SORCS1: variants seen among roughly 807,000 people sequenced by gnomAD.
SORCS1 encodes the protein VPS10 domain-containing receptor SorCS1.
Under a neutral mutation model 146.1 loss-of-function variants are expected in SORCS1, and 60 were observed. The observed-to-expected ratio is 0.41, with a 90% CI of 0.33 to 0.51. The LOEUF is 0.51. SORCS1 is among the 20% of genes least tolerant of loss of function. The pLI, the probability that SORCS1 is intolerant of heterozygous loss-of-function variation, is 0.21. For missense variants in SORCS1, 1,352 were observed against 1,487.6 expected (o/e 0.91, Z 1.50); for synonymous variants, 637 against 584.0 (o/e 1.09, Z -1.31).
At chr10:106,627,646 G>T (rs1848189412) in intron 19 of SORCS1, among the ~76,000 whole-genome samples, 1 of 152,176 alleles carries the variant, frequency 6.6e-6, no homozygotes. Context: ...ACGAGTTAGG[G>T]ATGGCAGTTA....
chr10:107,149,319 A>G (rs1478831906), intron 1 of SORCS1, among the ~76,000 whole-genome samples: 1 of 152,236 alleles, frequency 6.6e-6, no homozygotes, highest in Non-Finnish European at 1.5e-5. Context: ...TTGGCAAGGC[A>G]TAACTAAGTT....
chr10:106,774,043 C>G (rs1860240165), intron 4 of SORCS1, among the ~76,000 whole-genome samples: 1 of 152,120 alleles, frequency 6.6e-6, no homozygotes, highest in Admixed American at 6.5e-5. Context: ...TGATTTTTCC[C>G]TTTGAGAAAA....
At chr10:106,796,610 T>C (rs1946568366) in intron 3 of SORCS1, among the ~76,000 whole-genome samples, 1 of 152,204 alleles carries the variant, frequency 6.6e-6, no homozygotes, top group Non-Finnish European at 1.5e-5. Context: ...TTCTTCTCTT[T>C]TCCTGGGAAA....
chr10:106,962,630 G>A (rs79426292), intron 1 of SORCS1, among the ~76,000 whole-genome samples: 4,169 of 152,206 alleles, frequency 0.027, 138 homozygotes, highest in African/African-American at 0.079. Flanking sequence ...TGTAGATGAT[G>A]ACTAGGTCCT....
intron 1 of SORCS1, among the ~76,000 whole-genome samples, chr10:107,006,692 C>T (rs572130570): frequency 2.6e-5 from 4 of 152,270 alleles, no homozygotes; most frequent in East Asian, 3.9e-4. Flanking sequence ...TGGCGGGCGC[C>T]TGTAGTCCCA....
chr10:106,646,705 A>C (rs889625516), intron 18 of SORCS1, among the ~76,000 whole-genome samples: 4 of 152,064 alleles, frequency 2.6e-5, no homozygotes, highest in Non-Finnish European at 5.9e-5. Context: ...AAAATAAATA[A>C]ATACATAAAT....
chr10:106,585,482 T>C (rs1845175832), intron 24 of SORCS1, among the ~76,000 whole-genome samples: 2 of 152,150 alleles, frequency 1.3e-5, no homozygotes, highest in Admixed American at 6.5e-5. Context: ...CTCAATCTGG[T>C]GATGGCTCCA....
In SORCS1 at chr10:107,124,549, C is replaced by T. The variant is rs113917726; in HGVS notation, c.558+39420G>A. ...ACAGAAAACTGAAAAGGAAGGTAAA[C>T]GAACCATTAATGGCATCAATTCTTC... On this transcript the variant is annotated intron_variant, in intron 1 of 25. Transcript: ENST00000263054. Among the ~76,000 whole-genome samples, 784 of 152,138 alleles carry T rather than the reference C, an allele frequency of 5.2e-3. 9 individuals carry two copies. Among genetic ancestry groups the T allele is most frequent in the African/African-American group, 0.018 (727 of 41,510 alleles).
intron 1 of SORCS1, among the ~76,000 whole-genome samples, chr10:107,134,278 A>G (rs1967090273): frequency 6.6e-6 from 1 of 152,192 alleles, no homozygotes; most frequent in African/African-American, 2.4e-5. Flanking sequence ...TTTAAACTTT[A>G]CGCTTTTAAC....
intron 1 of SORCS1, among the ~76,000 whole-genome samples, chr10:107,025,852 A>G (rs532392478): frequency 7.3e-4 from 111 of 152,318 alleles, no homozygotes; most frequent in Non-Finnish European, 1.2e-3. Context: ...AGCAAGCGTG[A>G]GAGCCCACAA....
At position 106,699,331 on chromosome 10, in the gene SORCS1, C is replaced by T; in HGVS notation, c.1296G>A (p.Gln432=). Residue 432 remains glutamine (Q), a synonymous_variant, in exon 9 of 26, where the codon CAG becomes CAA. Transcript: ENST00000263054. ...AGATGTAGAGGTTGTACGTGTCATT[C>T]TGGTTCCATTCTTGGACCGCTGCGA... ...QVFAAVQEWN[Q]NDTYNLYISD... is the part of the protein sequence containing the mutation. 2 of 1,614,000 alleles carry T rather than the reference C, an allele frequency of 1.2e-6. No individual in the cohort carries two copies. Among genetic ancestry groups the T allele is most frequent in the Non-Finnish European group, 1.7e-6 (2 of 1,179,888 alleles).
intron 1 of SORCS1, among the ~76,000 whole-genome samples, chr10:107,050,782 T>A (rs140704654): frequency 1.3e-5 from 2 of 152,084 alleles, no homozygotes; most frequent in African/African-American, 4.8e-5. Flanking sequence ...TAAGTATATA[T>A]ATGGTTTTGC....
At chr10:107,110,157 T>C (rs984613838) in intron 1 of SORCS1, among the ~76,000 whole-genome samples, 2 of 152,170 alleles carry the variant, frequency 1.3e-5, no homozygotes, top group African/African-American at 4.8e-5. Context: ...CTGTCCCTCA[T>C]CTTTCTTTTT....
At chr10:106,863,779 G>T (rs960622480) in intron 2 of SORCS1, among the ~76,000 whole-genome samples, 2 of 147,494 alleles carry the variant, frequency 1.4e-5, no homozygotes, top group African/African-American at 2.5e-5. Flanking sequence ...AGTCCCAAGA[G>T]AATTGCCAGA....
intron 2 of SORCS1, among the ~76,000 whole-genome samples, chr10:106,928,434 C>A (rs897550201): frequency 6.6e-6 from 1 of 152,240 alleles, no homozygotes. Flanking sequence ...CCAGCTGGCC[C>A]GCAAGCGCCG....
intron 3 of SORCS1, among the ~76,000 whole-genome samples, chr10:106,828,137 C>A (rs927773354): frequency 3.3e-5 from 5 of 152,200 alleles, no homozygotes; most frequent in African/African-American, 1.2e-4. Context: ...TAAACCGAAT[C>A]CCACTGTGCT....
chr10:106,972,380 CAAAAA>C (rs35202189), intron 1 of SORCS1, among the ~76,000 whole-genome samples: 1 of 94,126 alleles, frequency 1.1e-5, no homozygotes, highest in Admixed American at 1.2e-4. Context: ...GACTCTGTCT[CAAAAA>C]AAAAAAAAAA....
intron 1 of SORCS1, among the ~76,000 whole-genome samples, chr10:107,025,396 C>G (rs968318497): frequency 1.4e-4 from 22 of 152,118 alleles, no homozygotes; most frequent in African/African-American, 4.8e-4. Context: ...ACCTCTGTGG[C>G]CTTTCATGGA....
chr10:107,045,958 T>C (rs1036051415), intron 1 of SORCS1, among the ~76,000 whole-genome samples: 1 of 151,776 alleles, frequency 6.6e-6, no homozygotes, highest in East Asian at 1.9e-4. Context: ...TTTTTTTTTT[T>C]CTTTTTTGAA....
Sources: allele counts gnomAD v4.1 joint callset (sites outside exome capture counted in the v4.1 genomes callset), GRCh38; gene constraint gnomAD v4.1.1; transcripts MANE v1.5; gene names NCBI Gene and HGNC (gene_info 2026-07-23, HGNC 2026-07-21).